PROS1: variants seen among roughly 807,000 people sequenced by gnomAD.
PROS1 encodes vitamin K-dependent protein S.
Under a neutral mutation model 75.9 loss-of-function variants are expected in PROS1, and 29 were observed. That is an observed-to-expected ratio of 0.38 (90% CI 0.28 to 0.52). The LOEUF is 0.52. PROS1 is among the 20% of genes least tolerant of loss of function. The pLI, the probability that PROS1 is intolerant of heterozygous loss-of-function variation, is 0.83. For missense variants in PROS1, 680 were observed against 810.3 expected, an observed-to-expected ratio of 0.84 and a Z score of 1.95; for synonymous variants, 245 against 280.6, an observed-to-expected ratio of 0.87 and a Z score of 1.27.
intron 1 of PROS1, among the ~76,000 whole-genome samples, chr3:93,941,104 T>C (rs1433649703): frequency 6.6e-6 from 1 of 152,150 alleles, no homozygotes; most frequent in Non-Finnish European, 1.5e-5. Flanking sequence ...TTACCTGGGC[T>C]GTACTGCTGC....
chr3:93,973,615 G>C lies in PROS1; in HGVS notation c.76+59C>G. ...TAGAGAAGAAAATCCTACCAACCAG[G>C]GCACGCAGTTCAGTCGACAATGCTG... is the stretch of plus-strand genomic sequence containing the variant. On this transcript the variant is annotated intron_variant, in intron 1 of 14. Transcript: ENST00000394236. The C allele has an allele frequency of 2.6e-6, 4 of 1,560,690 alleles. No individual in the cohort carries two copies. The South Asian group carries it at 4.5e-5, about 18-fold the overall frequency.
chr3:93,932,841 A>T (rs1027799119), intron 1 of PROS1, among the ~76,000 whole-genome samples: 1 of 152,148 alleles, frequency 6.6e-6, no homozygotes, highest in Non-Finnish European at 1.5e-5. Context: ...GGCAGGACCA[A>T]AGGTCTGCAG....
At chr3:93,946,833 G>A in intron 1 of PROS1, among the ~76,000 whole-genome samples, 1 of 130,588 alleles carries the variant, frequency 7.7e-6, no homozygotes. Flanking sequence ...AAGAGCTTCT[G>A]CACAGAAAAA....
chr3:93,916,442 C>A (rs1268726102), intron 3 of PROS1, among the ~76,000 whole-genome samples: 1 of 152,116 alleles, frequency 6.6e-6, no homozygotes, highest in Non-Finnish European at 1.5e-5. Context: ...ACACATAAGG[C>A]ACATTATATA....
intron 3 of PROS1, among the ~76,000 whole-genome samples, chr3:93,918,842 A>C (rs1162525390): frequency 6.6e-6 from 1 of 152,186 alleles, no homozygotes; most frequent in East Asian, 1.9e-4. Context: ...CATCATGCCC[A>C]GTGGTTATGT....
At chr3:93,968,528 T>C (rs907388524) in intron 1 of PROS1, among the ~76,000 whole-genome samples, 6 of 152,204 alleles carry the variant, frequency 3.9e-5, no homozygotes, top group African/African-American at 1.4e-4. Context: ...TACTTTATTA[T>C]GGCAGTCCTA....
At chr3:93,954,518 G>C (rs1329051234) in intron 1 of PROS1, among the ~76,000 whole-genome samples, 2 of 152,150 alleles carry the variant, frequency 1.3e-5, no homozygotes, top group Non-Finnish European at 2.9e-5. Context: ...AAGCTGGCTA[G>C]CCATATGTAG....
At chr3:93,887,079 C>T (rs1276731863) in intron 10 of PROS1, among the ~76,000 whole-genome samples, 1 of 151,582 alleles carries the variant, frequency 6.6e-6, no homozygotes, top group Non-Finnish European at 1.5e-5. Flanking sequence ...CCACTGCGCC[C>T]GGCTAATTTT....
At chr3:93,905,210 C>T (rs1708655142) in intron 6 of PROS1, among the ~76,000 whole-genome samples, 1 of 152,190 alleles carries the variant, frequency 6.6e-6, no homozygotes, top group Non-Finnish European at 1.5e-5. Context: ...CAAAGACTTG[C>T]ATTGAAACAT....
chr3:93,973,492 C>A, intron 1 of PROS1, 182 bp downstream of exon 1: 1 of 654,094 alleles, frequency 1.5e-6, no homozygotes, highest in Admixed American at 2.5e-5. Flanking sequence ...AAATAGTGAT[C>A]CTGCCCCACC....
In PROS1 at chr3:93,886,372, T is replaced by A. The variant is rs763086326; in HGVS notation, c.1287A>T (p.Gly429=). Residue 429 remains glycine (G), a synonymous_variant, in exon 11 of 15, where the codon GGA becomes GGT. Transcript: ENST00000394236. The part of the protein sequence containing the change: ...GLLETKVYFA[G]FPRKVESELI... ...GTTCACTTTCCACTTTCCGAGGGAA[T>A]CCTGCAAAGTATACTTTGGTTTCCA... is the stretch of plus-strand genomic sequence containing the variant. 5 of 1,613,762 alleles carry A rather than the reference T, an allele frequency of 3.1e-6. No individual in the cohort carries two copies. In the South Asian group the frequency reaches 5.5e-5, roughly 18 times the overall value.
chr3:93,901,461 A>AT (rs2107163045), intron 6 of PROS1, among the ~76,000 whole-genome samples: 1 of 152,288 alleles, frequency 6.6e-6, no homozygotes, highest in Admixed American at 6.5e-5. Flanking sequence ...TATTCCAGAA[A>AT]TTTCAGATGC....
chr3:93,950,272 C>A (rs922310648), intron 1 of PROS1, among the ~76,000 whole-genome samples: 2 of 152,178 alleles, frequency 1.3e-5, no homozygotes, highest in Non-Finnish European at 2.9e-5. Flanking sequence ...CTTAGCTGAA[C>A]AAAAGGCAGC....
At chr3:93,961,902 G>A (rs973456524) in intron 1 of PROS1, among the ~76,000 whole-genome samples, 2 of 152,062 alleles carry the variant, frequency 1.3e-5, no homozygotes, top group African/African-American at 4.8e-5. Context: ...AAAAGACTAG[G>A]AGACAGAAAT....
chr3:93,877,077 A>G lies in PROS1; in HGVS notation c.1759T>C (p.Ser587Pro). ...ATGGTTTCTATTTTAAGTGGTGTCG[A>G]CAACTCCAGATTGTTTCTGTTGACT... ...FRVNRNNLELSTPLKIETISH... is the reference protein window; with the variant it reads ...FRVNRNNLELPTPLKIETISH... Residue 587 changes from serine to proline, a missense_variant, in exon 14 of 15, where the codon TCG (serine) becomes CCG (proline). By Grantham distance (74) the Ser-to-Pro change is moderately conservative (BLOSUM62 -1). Transcript: ENST00000394236. 6.2e-7 allele frequency: 1 copy of G among 1,613,310 alleles called. No individual in the cohort carries two copies. Among genetic ancestry groups the G allele is most frequent in the East Asian group, 2.2e-5 (1 of 44,850 alleles).
At chr3:93,927,183 C>T in intron 2 of PROS1, 67 bp downstream of exon 2, 10 of 1,587,312 alleles carry the variant, frequency 6.3e-6, no homozygotes, top group Non-Finnish European at 7.8e-6. Flanking sequence ...GAAGTACAGG[C>T]TGGAAATGTT....
At chr3:93,939,587 C>A (rs1342645589) in intron 1 of PROS1, among the ~76,000 whole-genome samples, 5 of 152,190 alleles carry the variant, frequency 3.3e-5, no homozygotes, top group African/African-American at 4.8e-5. Flanking sequence ...ACCTGCCCAA[C>A]AATTTCCTCT....
intron 1 of PROS1, among the ~76,000 whole-genome samples, chr3:93,949,490 T>C (rs542607212): frequency 1.3e-5 from 2 of 151,942 alleles, no homozygotes; most frequent in Non-Finnish European, 2.9e-5. Flanking sequence ...AATGTCTGCA[T>C]CCAAAAACAC....
At chr3:93,937,847 A>T (rs559465663) in intron 1 of PROS1, among the ~76,000 whole-genome samples, 2 of 152,134 alleles carry the variant, frequency 1.3e-5, no homozygotes, top group South Asian at 4.1e-4. Context: ...CAATATACAC[A>T]CTCAGAGTTA....
Sources: gnomAD v4.1 joint callset for allele counts (sites outside exome capture counted in the v4.1 genomes callset) on GRCh38, gnomAD v4.1.1 for gene constraint, MANE v1.5 for transcripts, NCBI Gene and HGNC (gene_info 2026-07-23, HGNC 2026-07-21) for gene names.